The following OPCML variants were observed in gnomAD, a reference collection of about 807,000 sequenced individuals.
OPCML encodes opioid binding protein/cell adhesion molecule like, also known as opioid-binding protein/cell adhesion molecule.
A neutral mutation model predicts 37.8 loss-of-function variants in OPCML; 13 were observed. The observed-to-expected ratio is 0.34, with a 90% confidence interval of 0.22 to 0.55. The LOEUF is 0.55. OPCML is among the 20% of genes least tolerant of loss of function. The probability of loss-of-function intolerance (pLI) is 0.91; values close to 1 mark genes in which losing one functional copy is unlikely to be tolerated. For synonymous variants in OPCML, 176 were observed against 168.8 expected (o/e 1.04, Z -0.33); for missense variants, 341 against 435.6 (o/e 0.78, Z 1.93).
At chr11:133,479,685 CCA>C (rs542977579) in intron 1 of OPCML, among the ~76,000 whole-genome samples, 28 of 152,286 alleles carry the variant, frequency 1.8e-4, no homozygotes, top group African/African-American at 6.5e-4. Context: ...GGGTCCTCAC[CCA>C]TTTGGGCCCC....
At chr11:132,960,907 G>A (rs1946079296) in intron 1 of OPCML, among the ~76,000 whole-genome samples, 1 of 152,170 alleles carries the variant, frequency 6.6e-6, no homozygotes, top group Non-Finnish European at 1.5e-5. Flanking sequence ...TGTAACTGGG[G>A]TGAGGCTGCA....
At chr11:133,175,484 G>A (rs200006697) in intron 1 of OPCML, among the ~76,000 whole-genome samples, 96 of 137,526 alleles carry the variant, frequency 7.0e-4, no homozygotes, top group Middle Eastern at 7.8e-3. Context: ...GAGAAAAATA[G>A]AAAAAAAAAA....
intron 2 of OPCML, among the ~76,000 whole-genome samples, chr11:132,732,109 C>T (rs1210319111): frequency 1.3e-5 from 2 of 152,150 alleles, no homozygotes; most frequent in African/African-American, 4.8e-5. Flanking sequence ...TATGGTGAGA[C>T]AGAGCAAGTG....
chr11:133,163,436 C>T (rs1950170084), intron 1 of OPCML, among the ~76,000 whole-genome samples: 1 of 152,168 alleles, frequency 6.6e-6, no homozygotes, highest in South Asian at 2.1e-4. Context: ...TCACCCATCC[C>T]ATGAAGAAAG....
chr11:133,089,332 G>C (rs1948869157), intron 1 of OPCML, among the ~76,000 whole-genome samples: 1 of 152,180 alleles, frequency 6.6e-6, no homozygotes, highest in African/African-American at 2.4e-5. Flanking sequence ...TCATCTTCCA[G>C]ATTATTTTCT....
intron 1 of OPCML, among the ~76,000 whole-genome samples, chr11:133,317,840 C>T (rs571573928): frequency 2.0e-5 from 3 of 152,304 alleles, no homozygotes; most frequent in Non-Finnish European, 2.9e-5. Context: ...CCAGTGGTAG[C>T]GTGTTAGCCT....
chr11:132,873,544 G>T (rs1301677720), intron 2 of OPCML, among the ~76,000 whole-genome samples: 1 of 152,128 alleles, frequency 6.6e-6, no homozygotes, highest in Non-Finnish European at 1.5e-5. Flanking sequence ...TGCTAGAGAG[G>T]TATGGTATTG....
intron 2 of OPCML, among the ~76,000 whole-genome samples, chr11:132,898,173 G>A (rs1943918799): frequency 6.6e-6 from 1 of 152,186 alleles, no homozygotes; most frequent in Non-Finnish European, 1.5e-5. Flanking sequence ...GACCAACGCT[G>A]AAACCCTGAC....
chr11:132,637,214 G>A (rs979487238), intron 3 of OPCML, among the ~76,000 whole-genome samples: 5 of 151,450 alleles, frequency 3.3e-5, no homozygotes, highest in Non-Finnish European at 5.9e-5. Context: ...CAGTCCACAA[G>A]ATGTTACACA....
intron 3 of OPCML, among the ~76,000 whole-genome samples, chr11:132,598,124 G>A (rs2096495346): frequency 1.3e-5 from 2 of 152,208 alleles, no homozygotes; most frequent in African/African-American, 4.8e-5. Flanking sequence ...GGCATTGTGG[G>A]AGGGGCGTAA....
At chr11:133,224,295 G>A (rs887125485) in intron 1 of OPCML, among the ~76,000 whole-genome samples, 1 of 152,184 alleles carries the variant, frequency 6.6e-6, no homozygotes, top group Non-Finnish European at 1.5e-5. Context: ...TGGCTTGTAC[G>A]CTCCATCCAT....
intron 1 of OPCML, among the ~76,000 whole-genome samples, chr11:133,402,841 G>A (rs1945438099): frequency 6.6e-6 from 1 of 152,150 alleles, no homozygotes; most frequent in East Asian, 1.9e-4. Flanking sequence ...CTAAGCCACT[G>A]GACCCAAGTC....
rs551184859 is a variant in OPCML, at chr11:132,680,615, G to T, written c.147-23296C>A. Reference sequence around the variant, plus strand: ...GGGCGGCTGCGGCCACGCTACCTCAGCTGTAATTGTGATGATTCTTTATTC... The same window carrying T: ...GGGCGGCTGCGGCCACGCTACCTCATCTGTAATTGTGATGATTCTTTATTC... On this transcript the variant is annotated intron_variant, in intron 2 of 7. Coordinates refer to ENST00000524381, the MANE Select transcript of OPCML (RefSeq NM_001012393.5). 2.0e-4 allele frequency among the ~76,000 whole-genome samples: 31 copies of T among 152,308 alleles called. 1 individual carries two copies. The South Asian group carries it at 6.2e-3, about 31-fold the overall frequency.
At chr11:132,580,558 T>A (rs2096460122) in intron 3 of OPCML, among the ~76,000 whole-genome samples, 1 of 152,224 alleles carries the variant, frequency 6.6e-6, no homozygotes, top group Non-Finnish European at 1.5e-5. Flanking sequence ...ATATTTTTAA[T>A]AAACCAGAGG....
intron 1 of OPCML, among the ~76,000 whole-genome samples, chr11:133,459,025 C>T (rs549840567): frequency 6.6e-6 from 1 of 152,054 alleles, no homozygotes; most frequent in South Asian, 2.1e-4. Context: ...AATTATAAGT[C>T]TATGTTAATG....
chr11:132,962,219 G>C (rs2136725785), intron 1 of OPCML, among the ~76,000 whole-genome samples: 1 of 152,322 alleles, frequency 6.6e-6, no homozygotes, highest in Middle Eastern at 3.4e-3. Context: ...GGGCCAAGGA[G>C]GCTTCTTGAT....
At chr11:133,006,846 G>A (rs1427789225) in intron 1 of OPCML, 1 of 985,458 alleles carries the variant, frequency 1.0e-6, no homozygotes. Context: ...ATGAAGTGCT[G>A]GCCAGGAAGG....
At chr11:133,282,350 G>A (rs1282569095) in intron 1 of OPCML, among the ~76,000 whole-genome samples, 3 of 152,212 alleles carry the variant, frequency 2.0e-5, no homozygotes, top group African/African-American at 7.2e-5. Flanking sequence ...CCTAGGTACA[G>A]CTCTGACCAC....
chr11:132,748,951 A>G (rs2917577), intron 2 of OPCML, among the ~76,000 whole-genome samples: 119,438 of 152,068 alleles, frequency 0.79, 47,922 homozygotes, highest in East Asian at 0.97. Context: ...TTAAATATTG[A>G]GTGTTTTATG....
Sources: allele counts gnomAD v4.1 joint callset (sites outside exome capture counted in the v4.1 genomes callset), GRCh38; gene constraint gnomAD v4.1.1; transcripts MANE v1.5; gene names NCBI Gene and HGNC (gene_info 2026-07-23, HGNC 2026-07-21).